Variants in UGT1A6 observed in about 807,000 individuals in gnomAD.
UGT1A6 encodes the protein UDP glucuronosyltransferase family 1 member A6.
In UGT1A6, 32 loss-of-function variants were observed where a neutral mutation model predicts 44.4. The ratio of observed to expected loss-of-function variants is 0.72; its 90% CI spans 0.54 to 0.97. The LOEUF (loss-of-function observed/expected upper bound fraction) is 0.97, where lower values mean the gene tolerates loss of function less well. Among genes scored for constraint, UGT1A6 ranks in the 50% least tolerant of loss-of-function variants. The pLI is 0.00. For synonymous variants in UGT1A6, 238 were observed against 248.5 expected, an observed-to-expected ratio of 0.96 and a Z score of 0.40; for missense variants, 685 against 661.9, an observed-to-expected ratio of 1.03 and a Z score of -0.38.
intron 1 of UGT1A6, among the ~76,000 whole-genome samples, chr2:233,694,945 T>C (rs1470769009): frequency 1.3e-5 from 2 of 152,242 alleles, no homozygotes; most frequent in Non-Finnish European, 2.9e-5. Context: ...GTAATTGAGA[T>C]ATCCATCACC....
At chr2:233,751,144 C>T (rs1237165481) in intron 1 of UGT1A6, among the ~76,000 whole-genome samples, 2 of 151,954 alleles carry the variant, frequency 1.3e-5, no homozygotes, top group Non-Finnish European at 2.9e-5. Context: ...CTGTGGGAGC[C>T]CACTTCTGGC....
intron 1 of UGT1A6, among the ~76,000 whole-genome samples, chr2:233,695,323 A>G (rs2075280917): frequency 6.6e-6 from 1 of 151,690 alleles, no homozygotes. Flanking sequence ...GCGGGGTTTC[A>G]CCACGTTGGC....
intron 1 of UGT1A6, among the ~76,000 whole-genome samples, chr2:233,695,413 C>T (rs1307794775): frequency 6.9e-6 from 1 of 145,526 alleles, no homozygotes; most frequent in Non-Finnish European, 1.5e-5. Flanking sequence ...CGTGAGCTAC[C>T]GCGCCCGGCC....
At chr2:233,755,393 A>C in intron 1 of UGT1A6, 1 of 341,520 alleles carries the variant, frequency 2.9e-6, no homozygotes, top group South Asian at 2.4e-5. Context: ...TGACGCAGCC[A>C]CATCTCATTG....
In UGT1A6 at chr2:233,772,554, C is replaced by T. The variant is rs768200668; in HGVS notation, c.1594C>T (p.His532Tyr). 6.2e-7 allele frequency: 1 copy of T among 1,613,984 alleles called. No homozygotes were observed. The highest frequency in any genetic ancestry group is 1.1e-5 in the South Asian group (1 of 91,072). ...TAAGAAAGCCCACAAATCCAAGACC[C>T]ATTGAGAAGTGGGTGGGAAATAAGG... Reference protein sequence around the residue: ...RVKKAHKSKTH With the variant: ...RVKKAHKSKTY The change falls in exon 5 of 5, where the codon CAT (histidine) becomes TAT (tyrosine). Residue 532 changes from histidine (H) to tyrosine (Y), a missense_variant. Physicochemically the swap from His to Tyr is moderately conservative, Grantham distance 83. Coordinates refer to ENST00000305139, the MANE Select transcript of UGT1A6 (RefSeq NM_001072.4).
intron 1 of UGT1A6, chr2:233,743,045 T>C (rs397706649): frequency 6.3e-6 from 2 of 318,190 alleles, no homozygotes; most frequent in Non-Finnish European, 6.1e-6. Context: ...CCTATCCGTG[T>C]AGTCCCAACG....
At chr2:233,740,246 T>G (rs1354461528) in intron 1 of UGT1A6, among the ~76,000 whole-genome samples, 1 of 151,876 alleles carries the variant, frequency 6.6e-6, no homozygotes, top group African/African-American at 2.4e-5. Flanking sequence ...GAGAATAGAC[T>G]AATACAAGAT....
At chr2:233,731,607 C>T (rs1360371440) in intron 1 of UGT1A6, among the ~76,000 whole-genome samples, 1 of 152,190 alleles carries the variant, frequency 6.6e-6, no homozygotes, top group Non-Finnish European at 1.5e-5. Context: ...CTGCAAAGGA[C>T]ATGAACTCAT....
chr2:233,747,273 C>T, intron 1 of UGT1A6: 4 of 1,598,968 alleles, frequency 2.5e-6, no homozygotes, highest in Non-Finnish European at 3.4e-6. Context: ...TACTCCTTCT[C>T]AGTGCCCAGC....
At position 233,713,165 on chromosome 2, in the gene UGT1A6, G is replaced by A. The variant is rs28898601; in HGVS notation, c.861+19300G>A. The A allele has an allele frequency of 2.1e-4, 341 of 1,614,222 alleles. 2 individuals are homozygous for A. In the South Asian group the frequency reaches 3.5e-3, roughly 17 times the overall value. ...ACCTCCATGCGAGAGGCCACCAGGT[G>A]GTGGTCCTCACCCTGGAGGTGAATA... On this transcript the variant is annotated intron_variant, in intron 1 of 4. Transcript: ENST00000305139.
At chr2:233,743,759 T>C in intron 1 of UGT1A6, 7 of 1,367,366 alleles carry the variant, frequency 5.1e-6, no homozygotes, top group South Asian at 4.5e-5. Flanking sequence ...CAACACCTCG[T>C]AGGCCTCGGC....
chr2:233,750,785 G>A (rs1694560373), intron 1 of UGT1A6: 1 of 151,946 alleles, frequency 6.6e-6, no homozygotes. Context: ...TGGGTACACA[G>A]AAGATAAGAA....
intron 1 of UGT1A6, among the ~76,000 whole-genome samples, chr2:233,707,487 C>G (rs557810076): frequency 6.7e-6 from 1 of 149,442 alleles, no homozygotes; most frequent in East Asian, 2.0e-4. Context: ...ATGATTTTAC[C>G]TGTTTCGGTA....
intron 1 of UGT1A6, chr2:233,743,913 C>T: frequency 7.3e-7 from 1 of 1,365,508 alleles, no homozygotes; most frequent in South Asian, 1.1e-5. Flanking sequence ...TAGTAGTCCA[C>T]CATGCTGGAT....
chr2:233,757,842 T>G (rs904843638), intron 1 of UGT1A6, among the ~76,000 whole-genome samples: 1 of 151,920 alleles, frequency 6.6e-6, no homozygotes, highest in Non-Finnish European at 1.5e-5. Context: ...GCCTACTAAC[T>G]TATGTCTTCA....
intron 1 of UGT1A6, chr2:233,713,781 G>C (rs1363495958): frequency 1.2e-6 from 2 of 1,613,986 alleles, no homozygotes; most frequent in Non-Finnish European, 1.7e-6. Context: ...CTTTGTGATG[G>C]ATTACCCCAG....
chr2:233,729,508 T>C (rs1302187819), intron 1 of UGT1A6: 3 of 1,614,204 alleles, frequency 1.9e-6, no homozygotes, highest in African/African-American at 1.3e-5. Flanking sequence ...TCATAGGTCT[T>C]GTGTGGAGCT....
chr2:233,741,302 A>G (rs1379292322), intron 1 of UGT1A6, among the ~76,000 whole-genome samples: 1 of 151,744 alleles, frequency 6.6e-6, no homozygotes, highest in Non-Finnish European at 1.5e-5. Context: ...AATTGTGTAG[A>G]TACACACCAA....
intron 1 of UGT1A6, chr2:233,718,949 C>T: frequency 1.9e-6 from 3 of 1,614,166 alleles, no homozygotes; most frequent in Non-Finnish European, 2.5e-6. Context: ...CCTGGCTCAG[C>T]ATGCGGGAGG....
Sources: allele counts gnomAD v4.1 joint callset (sites outside exome capture counted in the v4.1 genomes callset), GRCh38; gene constraint gnomAD v4.1.1; transcripts MANE v1.5; gene names NCBI Gene and HGNC (gene_info 2026-07-23, HGNC 2026-07-21).